The following ARHGAP15 variants were observed in gnomAD, a reference collection of about 807,000 sequenced individuals.
ARHGAP15 encodes Rho GTPase activating protein 15.
ARHGAP15 carries 51 observed loss-of-function variants against 63.7 expected under a neutral mutation model. The ratio of observed to expected loss-of-function variants is 0.80; its 90% CI spans 0.64 to 1.01. The LOEUF is 1.01. ARHGAP15 is among the 50% of genes least tolerant of loss of function. ARHGAP15 has a pLI of 0.00. For synonymous variants in ARHGAP15, 191 were observed against 193.8 expected, an observed-to-expected ratio of 0.99 and a Z score of 0.12; for missense variants, 560 against 564.6, an observed-to-expected ratio of 0.99 and a Z score of 0.08.
chr2:143,162,818 T>C (rs1451741572), intron 2 of ARHGAP15, among the ~76,000 whole-genome samples: 3 of 151,990 alleles, frequency 2.0e-5, no homozygotes, highest in African/African-American at 7.2e-5. Context: ...TTACATACAA[T>C]TGTATCAGCA....
At chr2:143,482,147 G>A (rs1025227340) in intron 8 of ARHGAP15, among the ~76,000 whole-genome samples, 1 of 152,086 alleles carries the variant, frequency 6.6e-6, no homozygotes, top group Non-Finnish European at 1.5e-5. Flanking sequence ...AAATACCTAG[G>A]ATTAAGAGTG....
chr2:143,677,317 T>C (rs542657447), intron 12 of ARHGAP15, among the ~76,000 whole-genome samples: 12 of 152,372 alleles, frequency 7.9e-5, no homozygotes, highest in Admixed American at 7.8e-4. Context: ...CCATGGAATG[T>C]GTATTGTTTA....
At chr2:143,435,823 T>C in intron 7 of ARHGAP15, 124 bp downstream of exon 7, 1 of 989,844 alleles carries the variant, frequency 1.0e-6, no homozygotes, top group Non-Finnish European at 1.4e-6. Flanking sequence ...GATTAAGTTC[T>C]TTTAGTTTAA....
At chr2:143,761,572 C>T (rs1422342159) in intron 13 of ARHGAP15, among the ~76,000 whole-genome samples, 2 of 152,130 alleles carry the variant, frequency 1.3e-5, no homozygotes. Flanking sequence ...AGGCTTTGGT[C>T]TTCTTAATTC....
chr2:143,374,714 G>A (rs1036075410), intron 6 of ARHGAP15, among the ~76,000 whole-genome samples: 16 of 152,082 alleles, frequency 1.1e-4, no homozygotes, highest in African/African-American at 3.1e-4. Flanking sequence ...TGTTGTCCAG[G>A]CTGGTCTCAA....
At chr2:143,598,527 G>A (rs1697620174) in intron 11 of ARHGAP15, among the ~76,000 whole-genome samples, 1 of 152,132 alleles carries the variant, frequency 6.6e-6, no homozygotes, top group Non-Finnish European at 1.5e-5. Context: ...CCACCCAATA[G>A]GGCTAGCCAC....
intron 6 of ARHGAP15, among the ~76,000 whole-genome samples, chr2:143,257,466 C>G (rs1680484604): frequency 6.6e-6 from 1 of 152,146 alleles, no homozygotes; most frequent in Non-Finnish European, 1.5e-5. Flanking sequence ...GGATAGCTCA[C>G]TTCACATTGC....
intron 10 of ARHGAP15, among the ~76,000 whole-genome samples, chr2:143,534,980 T>G (rs1030709430): frequency 6.6e-6 from 1 of 152,202 alleles, no homozygotes; most frequent in Non-Finnish European, 1.5e-5. Flanking sequence ...TTTATAAGTT[T>G]TCCCTGAAGA....
intron 11 of ARHGAP15, among the ~76,000 whole-genome samples, chr2:143,586,141 C>T (rs897679173): frequency 2.0e-5 from 3 of 152,228 alleles, no homozygotes; most frequent in African/African-American, 4.8e-5. Flanking sequence ...ATTCCTCCCA[C>T]CACCACCCCC....
intron 2 of ARHGAP15, among the ~76,000 whole-genome samples, chr2:143,190,642 G>A (rs1159891586): frequency 6.6e-6 from 1 of 152,188 alleles, no homozygotes; most frequent in African/African-American, 2.4e-5. Flanking sequence ...TATTTGCAAT[G>A]GGTGAGTAAG....
At chr2:143,188,868 C>T (rs1416204145) in intron 2 of ARHGAP15, among the ~76,000 whole-genome samples, 1 of 151,902 alleles carries the variant, frequency 6.6e-6, no homozygotes, top group Non-Finnish European at 1.5e-5. Context: ...TTGTGATCCA[C>T]CTGCCTCGGC....
At chr2:143,247,610 A>G (rs938204783) in intron 5 of ARHGAP15, among the ~76,000 whole-genome samples, 4 of 152,222 alleles carry the variant, frequency 2.6e-5, no homozygotes, top group African/African-American at 7.2e-5. Context: ...TCTATAGCAT[A>G]TGGAGTTTGT....
intron 11 of ARHGAP15, among the ~76,000 whole-genome samples, chr2:143,610,763 C>T (rs1433070393): frequency 6.6e-6 from 1 of 152,154 alleles, no homozygotes; most frequent in African/African-American, 2.4e-5. Context: ...CAGTCTCACT[C>T]TGTCACCCAG....
At chr2:143,383,877 G>A (rs939588689) in intron 6 of ARHGAP15, among the ~76,000 whole-genome samples, 3 of 152,112 alleles carry the variant, frequency 2.0e-5, no homozygotes, top group African/African-American at 7.2e-5. Flanking sequence ...TATTCTAGGG[G>A]CAGGATTTAC....
chr2:143,563,703 G>C (rs1055395257), intron 11 of ARHGAP15, among the ~76,000 whole-genome samples: 1 of 152,142 alleles, frequency 6.6e-6, no homozygotes, highest in African/African-American at 2.4e-5. Flanking sequence ...ATTCCATCAT[G>C]ATCATCACCA....
chr2:143,669,007 G>A (rs1469278211), intron 12 of ARHGAP15, among the ~76,000 whole-genome samples: 1 of 152,126 alleles, frequency 6.6e-6, no homozygotes, highest in Admixed American at 6.5e-5. Flanking sequence ...CATTGGAATT[G>A]GTAACCAGGT....
intron 6 of ARHGAP15, among the ~76,000 whole-genome samples, chr2:143,274,209 C>A (rs1166258766): frequency 6.6e-6 from 1 of 152,106 alleles, no homozygotes; most frequent in African/African-American, 2.4e-5. Context: ...CTCTCTACTC[C>A]TTGTTATCTG....
At chr2:143,721,885 C>T (rs1685076040) in intron 13 of ARHGAP15, among the ~76,000 whole-genome samples, 1 of 152,116 alleles carries the variant, frequency 6.6e-6, no homozygotes, top group East Asian at 1.9e-4. Flanking sequence ...CAGGGTTTCA[C>T]TGTATTGCGC....
At chr2:143,460,087 T>A (rs1277920255) in intron 8 of ARHGAP15, among the ~76,000 whole-genome samples, 1 of 152,130 alleles carries the variant, frequency 6.6e-6, no homozygotes, top group African/African-American at 2.4e-5. Flanking sequence ...AATACAGTGA[T>A]CATGGGTTTA....
Sources: gnomAD v4.1 joint callset for allele counts (sites outside exome capture counted in the v4.1 genomes callset) on GRCh38, gnomAD v4.1.1 for gene constraint, MANE v1.5 for transcripts, NCBI Gene and HGNC (gene_info 2026-07-23, HGNC 2026-07-21) for gene names.